The following SLC36A1 variants were observed in gnomAD, a reference collection of about 807,000 sequenced individuals.
SLC36A1 encodes the protein solute carrier family 36 member 1.
A neutral mutation model predicts 47.5 loss-of-function variants in SLC36A1; 30 were observed. That is an observed-to-expected ratio of 0.63 (90% confidence interval 0.47 to 0.86). SLC36A1 has a LOEUF of 0.86. Among genes scored for constraint, SLC36A1 ranks in the 40% least tolerant of loss-of-function variants. The probability of loss-of-function intolerance (pLI) is 0.00; values close to 1 mark genes in which losing one functional copy is unlikely to be tolerated. For missense variants in SLC36A1, 517 were observed against 606.0 expected, an observed-to-expected ratio of 0.85 and a Z score of 1.54; for synonymous variants, 255 against 249.7, an observed-to-expected ratio of 1.02 and a Z score of -0.20.
the SLC36A1 span, among the ~76,000 whole-genome samples, chr5:151,534,018 C>T: frequency 6.6e-6 from 1 of 152,060 alleles, no homozygotes; most frequent in South Asian, 2.1e-4. Flanking sequence ...ATTTAATGGG[C>T]TTACTGGGGT....
At chr5:151,388,501 C>CAAAAAAAAAAAAA in the SLC36A1 span, among the ~76,000 whole-genome samples, 7 of 90,768 alleles carry the variant, frequency 7.7e-5, no homozygotes, top group Admixed American at 1.1e-4. Flanking sequence ...AACTCCATCT[C>CAAAAAAAAAAAAA]AAAAGAAAAA....
At chr5:151,468,299 T>TA (rs1416496652) in intron 7 of SLC36A1, among the ~76,000 whole-genome samples, 2,614 of 71,724 alleles carry the variant, frequency 0.036, 205 homozygotes, top group Non-Finnish European at 0.057. Context: ...ATATATTTTA[T>TA]ATATATATAT....
chr5:151,420,778 A>G, the SLC36A1 span, among the ~76,000 whole-genome samples: 1 of 152,162 alleles, frequency 6.6e-6, no homozygotes, highest in African/African-American at 2.4e-5. Context: ...TGGAGTGATT[A>G]AGTCCAGACC....
chr5:151,540,596 C>G, the SLC36A1 span: 2 of 1,613,836 alleles, frequency 1.2e-6, no homozygotes, highest in Non-Finnish European at 1.7e-6. Flanking sequence ...TTATCATTGA[C>G]GTCCAGGACA....
chr5:151,544,794 T>G, the SLC36A1 span: 1 of 1,614,206 alleles, frequency 6.2e-7, no homozygotes, highest in East Asian at 2.2e-5. Context: ...ATGTGTAATC[T>G]TCTGCAAATT....
At chr5:151,506,139 C>A in the SLC36A1 span, 1 of 1,490,004 alleles carries the variant, frequency 6.7e-7, no homozygotes, top group South Asian at 1.4e-5. Context: ...ATTTTCTCCC[C>A]GGAAGGTTTC....
At chr5:151,358,712 G>A in the SLC36A1 span, among the ~76,000 whole-genome samples, 1 of 151,308 alleles carries the variant, frequency 6.6e-6, no homozygotes, top group Non-Finnish European at 1.5e-5. Flanking sequence ...GGTGGCTCAC[G>A]CCTGTAATCC....
chr5:151,502,694 CTGCTGG>C, the SLC36A1 span, among the ~76,000 whole-genome samples: 1 of 148,370 alleles, frequency 6.7e-6, no homozygotes, highest in Non-Finnish European at 1.5e-5. Flanking sequence ...TTCTCATTCA[CTGCTGG>C]TGGGAACGTG....
the SLC36A1 span, among the ~76,000 whole-genome samples, chr5:151,392,450 A>T: frequency 6.6e-6 from 1 of 151,856 alleles, no homozygotes; most frequent in Non-Finnish European, 1.5e-5. Context: ...CTAGCTTTTG[A>T]ATGTGTTTGC....
At chr5:151,371,896 A>AT in the SLC36A1 span, among the ~76,000 whole-genome samples, 1 of 152,004 alleles carries the variant, frequency 6.6e-6, no homozygotes, top group African/African-American at 2.4e-5. Context: ...GGAGCGGGAG[A>AT]CAGGGAAAGG....
chr5:151,422,599 C>T, the SLC36A1 span, among the ~76,000 whole-genome samples: 1 of 151,920 alleles, frequency 6.6e-6, no homozygotes, highest in Admixed American at 6.6e-5. Context: ...ATGGTGGTGC[C>T]TGCCTGTAGT....
chr5:151,554,245 G>A, the SLC36A1 span: 28 of 935,822 alleles, frequency 3.0e-5, no homozygotes, highest in East Asian at 7.1e-4. Context: ...AGAAGGCCAG[G>A]AAGGAGAGTA....
intron 1 of SLC36A1, among the ~76,000 whole-genome samples, chr5:151,453,892 TAAA>T (rs1265458433): frequency 6.6e-6 from 1 of 151,810 alleles, no homozygotes; most frequent in African/African-American, 2.4e-5. Flanking sequence ...TTTTTAAAAA[TAAA>T]AATTCAGTTT....
rs1365607666 is a variant in SLC36A1, at chr5:151,489,632, C to T, written c.*1378C>T. 2 of 152,484 alleles carry T rather than the reference C, an allele frequency of 1.3e-5. No homozygotes were observed. Among genetic ancestry groups the T allele is most frequent in the African/African-American group, 4.8e-5 (2 of 41,408 alleles). 9.4% of individuals were successfully genotyped at this position (152,484 alleles called of 1,614,324 possible). On this transcript the variant is annotated 3_prime_UTR_variant, in exon 11 of 11. Transcript: ENST00000243389. This position sits in a 1 kb window ranked among gnomAD's most constrained non-coding sequence, Gnocchi z 4.5. ...TTTCACAAACAGCCTTGAGGTTGGC[C>T]CTCCTCAAGGTCAGCCTTCAGATTT... is the stretch of plus-strand genomic sequence containing the variant.
chr5:151,465,855 T>C (rs1259737518), intron 5 of SLC36A1, among the ~76,000 whole-genome samples: 12 of 152,082 alleles, frequency 7.9e-5, no homozygotes. Flanking sequence ...TTTCTCGTTA[T>C]GGTAACTCTT....
the SLC36A1 span, chr5:151,529,459 C>A: frequency 7.2e-7 from 1 of 1,395,780 alleles, no homozygotes; most frequent in South Asian, 1.2e-5. Flanking sequence ...GACTGAGGGT[C>A]TGAGCCCAGC....
chr5:151,547,934 G>A, the SLC36A1 span, among the ~76,000 whole-genome samples: 1 of 152,164 alleles, frequency 6.6e-6, no homozygotes, highest in Non-Finnish European at 1.5e-5. Flanking sequence ...TTTCAAAAAT[G>A]AGCATGTGTT....
At chr5:151,406,060 T>G in the SLC36A1 span, among the ~76,000 whole-genome samples, 2 of 152,188 alleles carry the variant, frequency 1.3e-5, no homozygotes, top group Non-Finnish European at 2.9e-5. Context: ...GGGTAAAAGA[T>G]GACCCCTTCA....
At chr5:151,352,452 T>G in the SLC36A1 span, among the ~76,000 whole-genome samples, 2 of 152,196 alleles carry the variant, frequency 1.3e-5, no homozygotes, top group Non-Finnish European at 2.9e-5. Context: ...TCAGAGGTCC[T>G]TTCTTTTGCC....
Sources: allele counts gnomAD v4.1 joint callset (sites outside exome capture counted in the v4.1 genomes callset), GRCh38; gene constraint gnomAD v4.1.1; non-coding constraint Gnocchi (gnomAD v3.1); transcripts MANE v1.5; gene names NCBI Gene and HGNC (gene_info 2026-07-23, HGNC 2026-07-21).